The following PDE3A variants were observed in gnomAD, a reference collection of about 807,000 sequenced individuals.
PDE3A encodes the protein cGMP-inhibited 3',5'-cyclic phosphodiesterase 3A.
PDE3A carries 43 observed loss-of-function variants against 98.3 expected under a neutral mutation model. The ratio of observed to expected loss-of-function variants is 0.44; its 90% CI spans 0.34 to 0.56. The LOEUF (loss-of-function observed/expected upper bound fraction) is 0.56, where lower values mean the gene tolerates loss of function less well. Ranked by LOEUF, PDE3A falls within the 20% of genes least tolerant of loss-of-function variation. The pLI, the probability that PDE3A is intolerant of heterozygous loss-of-function variation, is 0.01. For synonymous variants in PDE3A, 663 were observed against 567.9 expected (o/e 1.17, Z -2.38); for missense variants, 1,427 against 1,440.7 (o/e 0.99, Z 0.15).
chr12:20,533,878 C>T (rs1941685774), intron 1 of PDE3A, among the ~76,000 whole-genome samples: 1 of 152,124 alleles, frequency 6.6e-6, no homozygotes, highest in Non-Finnish European at 1.5e-5. Flanking sequence ...AAATTCTTAG[C>T]CTGCCTTTCA....
In PDE3A at chr12:20,551,892, C is replaced by T. The variant is rs576356027; in HGVS notation, c.961-4768C>T. 2.9e-5 allele frequency: 46 copies of T among 1,613,518 alleles called. No homozygotes were observed. In the African/African-American group the frequency reaches 4.9e-4, roughly 17 times the overall value. ...TCCCGTCCAACCACTACGGACCCAT[C>T]CCGGGGATCCCCGTGGGCACCATGT... On this transcript the variant is annotated intron_variant, in intron 1 of 15. Coordinates refer to ENST00000359062, the MANE Select transcript of PDE3A (RefSeq NM_000921.5).
chr12:20,556,313 A>G (rs1942366501), intron 1 of PDE3A, among the ~76,000 whole-genome samples: 1 of 152,110 alleles, frequency 6.6e-6, no homozygotes, highest in Admixed American at 6.6e-5. Context: ...ATTTAACTGC[A>G]GTAGTCATTT....
chr12:20,606,497 A>G (rs928344559), intron 2 of PDE3A, among the ~76,000 whole-genome samples: 3 of 152,164 alleles, frequency 2.0e-5, no homozygotes, highest in Admixed American at 1.3e-4. Context: ...CTCCACACAT[A>G]TTCGAAGATT....
At chr12:20,389,210 T>TTC (rs561540198) in intron 1 of PDE3A, among the ~76,000 whole-genome samples, 3 of 151,748 alleles carry the variant, frequency 2.0e-5, no homozygotes, top group Admixed American at 1.3e-4. Context: ...GCCATTTCCT[T>TTC]TCTCTCTCTC....
At chr12:20,512,355 G>C (rs113184831) in intron 1 of PDE3A, among the ~76,000 whole-genome samples, 1,697 of 152,072 alleles carry the variant, frequency 0.011, 26 homozygotes, top group African/African-American at 0.039. Context: ...CAAAAAATCC[G>C]CTCTGCAAAT....
At position 20,637,253 on chromosome 12, in the gene PDE3A, A is replaced by T. The variant is rs763485530; in HGVS notation, c.2139+16A>T. On this transcript the variant is annotated intron_variant, in intron 9 of 15. Coordinates refer to ENST00000359062, the MANE Select transcript of PDE3A (RefSeq NM_000921.5). ...TCTTAGTCAGGTAAGAAATGCATTC[A>T]TTCACACTAATTTAAATATAGGAAA... The T allele has an allele frequency of 2.2e-5, 35 of 1,573,540 alleles. No individual in the cohort carries two copies. The highest frequency in any genetic ancestry group is 1.8e-4 in the Middle Eastern group (1 of 5,584).
At chr12:20,410,198 C>T (rs1212665507) in intron 1 of PDE3A, among the ~76,000 whole-genome samples, 1 of 152,146 alleles carries the variant, frequency 6.6e-6, no homozygotes, top group Non-Finnish European at 1.5e-5. Context: ...TGGTATTGGG[C>T]TATCCTTTTT....
At chr12:20,518,197 T>C (rs1361721985) in intron 1 of PDE3A, among the ~76,000 whole-genome samples, 1 of 152,204 alleles carries the variant, frequency 6.6e-6, no homozygotes, top group Non-Finnish European at 1.5e-5. Context: ...TATTCATTCC[T>C]GGGACTGCTT....
At chr12:20,449,001 C>T (rs955554157) in intron 1 of PDE3A, among the ~76,000 whole-genome samples, 18 of 152,140 alleles carry the variant, frequency 1.2e-4, no homozygotes, top group South Asian at 2.1e-4. Flanking sequence ...GTACATTAAT[C>T]CTTCTTAACA....
chr12:20,453,026 G>A (rs1008875408), intron 1 of PDE3A, among the ~76,000 whole-genome samples: 6 of 152,164 alleles, frequency 3.9e-5, no homozygotes, highest in African/African-American at 1.2e-4. Context: ...CCTTCAGAAA[G>A]AATGCCATGT....
chr12:20,564,432 T>TTAAG (rs770579692), intron 2 of PDE3A, among the ~76,000 whole-genome samples: 2 of 152,190 alleles, frequency 1.3e-5, no homozygotes, highest in Non-Finnish European at 2.9e-5. Context: ...GGTTTCATCT[T>TTAAG]TAAGTCTATC....
chr12:20,648,814 C>T lies in PDE3A; in HGVS notation c.2692C>T (p.Arg898Cys), dbSNP rs755355721. The change falls in exon 13 of 16, where the codon CGT (arginine) becomes TGT (cysteine). Residue 898 changes from arginine (R) to cysteine (C), a missense_variant. Coordinates refer to ENST00000359062, the MANE Select transcript of PDE3A (RefSeq NM_000921.5). The stretch of plus-strand genomic sequence containing the variant: ...TGACCATGTGGAATTTAAGCATTTC[C>T]GTTTCCTTGTCATTGAAGCAATTTT... ...NLDHVEFKHF[R>C]FLVIEAILAT... The T allele has an allele frequency of 1.9e-6, 3 of 1,613,818 alleles. No individual in the cohort carries two copies. The highest frequency in any genetic ancestry group is 2.2e-5 in the East Asian group (1 of 44,882).
chr12:20,619,467 G>A (rs796972975), intron 4 of PDE3A, among the ~76,000 whole-genome samples: 59 of 152,152 alleles, frequency 3.9e-4, no homozygotes, highest in African/African-American at 1.4e-3. Flanking sequence ...CCTATTCACT[G>A]TATTATGTAA....
At chr12:20,434,590 G>T (rs1488138836) in intron 1 of PDE3A, among the ~76,000 whole-genome samples, 1 of 152,100 alleles carries the variant, frequency 6.6e-6, no homozygotes, top group Admixed American at 6.6e-5. Flanking sequence ...TAGTGGCAGG[G>T]ACGGGGAAAG....
At chr12:20,611,166 A>G (rs7964099) in intron 2 of PDE3A, among the ~76,000 whole-genome samples, 141,156 of 151,772 alleles carry the variant, frequency 0.93, 65,749 homozygotes, top group East Asian at 1. Context: ...TATACACAAT[A>G]CAAATTATTT....
intron 1 of PDE3A, among the ~76,000 whole-genome samples, chr12:20,538,825 T>C (rs1480397200): frequency 6.6e-6 from 1 of 152,116 alleles, no homozygotes; most frequent in East Asian, 1.9e-4. Flanking sequence ...CTAAAATTTT[T>C]TGTAGACGTG....
At chr12:20,621,252 ATTTG>A in intron 4 of PDE3A, 40 bp from the exon 5 acceptor site, 2 of 1,103,474 alleles carry the variant, frequency 1.8e-6, no homozygotes, top group Non-Finnish European at 2.8e-6. Flanking sequence ...CTGATGAATA[ATTTG>A]TTTAATTTTC....
At chr12:20,421,548 T>C (rs755750711) in intron 1 of PDE3A, among the ~76,000 whole-genome samples, 8 of 149,530 alleles carry the variant, frequency 5.4e-5, no homozygotes, top group Non-Finnish European at 8.9e-5. Context: ...AATAAGCAAA[T>C]AGCATAAAAC....
chr12:20,549,033 C>G (rs1389428529), intron 1 of PDE3A, among the ~76,000 whole-genome samples: 1 of 151,920 alleles, frequency 6.6e-6, no homozygotes, highest in African/African-American at 2.4e-5. Context: ...AAACATTTAT[C>G]CCTATGGTTC....
Sources: gnomAD v4.1 joint callset for allele counts (sites outside exome capture counted in the v4.1 genomes callset) on GRCh38, gnomAD v4.1.1 for gene constraint, MANE v1.5 for transcripts, NCBI Gene and HGNC (gene_info 2026-07-23, HGNC 2026-07-21) for gene names.